The following CAVIN1 variants were observed in gnomAD, a reference collection of about 807,000 sequenced individuals.
CAVIN1 encodes the protein caveolae associated protein 1, also known as caveolae-associated protein 1.
Under a neutral mutation model 24.0 loss-of-function variants are expected in CAVIN1, and 16 were observed. The observed-to-expected ratio is 0.67, with a 90% confidence interval of 0.45 to 1.01. The LOEUF is 1.01. Among genes scored for constraint, CAVIN1 ranks in the 50% least tolerant of loss-of-function variants. The pLI is 0.00. For missense variants in CAVIN1, 510 were observed against 551.7 expected, an observed-to-expected ratio of 0.92 and a Z score of 0.76; for synonymous variants, 256 against 256.4, an observed-to-expected ratio of 1.00 and a Z score of 0.02.
Position 42,405,045 on chromosome 17 carries a change from T to C in CAVIN1, c.815A>G (p.Lys272Arg), listed in dbSNP as rs776355874. 5.0e-6 allele frequency: 8 copies of C among 1,614,138 alleles called. No homozygotes were observed. The South Asian group carries it at 8.8e-5, about 18-fold the overall frequency. ...NLEKTRHTLE[K>R]RMNKLGTRLV... ...GCGCGTGCCCAGCTTGTTCATGCGC[T>C]TCTCCAGGGTGTGCCGCGTCTTCTC... The change falls in exon 2 of 2, where the codon AAG becomes AGG. Residue 272 changes from lysine (K) to arginine (R), a missense_variant. By Grantham distance (26) the Lys-to-Arg change is conservative (BLOSUM62 2). Transcript: ENST00000357037.
rs762110643 is a variant in CAVIN1, at chr17:42,422,722, C to A, written c.376G>T (p.Gly126Cys). The change falls in exon 1 of 2, where the codon GGC becomes TGC. Residue 126 changes from glycine to cysteine, a missense_variant. Coordinates refer to ENST00000357037, the MANE Select transcript of CAVIN1 (RefSeq NM_012232.6). ...KVSVNVKTVR[G>C]SLERQAGQIK... ...TGCCCCGCCTGGCGCTCCAGGCTGC[C>A]GCGCACGGTCTTCACGTTGACGCTG... 4 of 1,609,944 alleles carry A rather than the reference C, an allele frequency of 2.5e-6. No individual in the cohort carries two copies. The highest frequency in any genetic ancestry group is 2.2e-5 in the South Asian group (2 of 90,400).
At chr17:42,409,282 G>A (rs1177740710) in intron 1 of CAVIN1, among the ~76,000 whole-genome samples, 2 of 151,770 alleles carry the variant, frequency 1.3e-5, no homozygotes, top group Non-Finnish European at 2.9e-5. Context: ...TGTAGTTTTT[G>A]TACAGGCAGA....
At chr17:42,408,721 C>T (rs2085459691) in intron 1 of CAVIN1, among the ~76,000 whole-genome samples, 1 of 151,012 alleles carries the variant, frequency 6.6e-6, no homozygotes, top group Non-Finnish European at 1.5e-5. Flanking sequence ...GAACTCCCAA[C>T]CTCATGTGAT....
At chr17:42,413,566 GAAAAAAAAA>G (rs60085741) in intron 1 of CAVIN1, among the ~76,000 whole-genome samples, 907 of 56,890 alleles carry the variant, frequency 0.016, 9 homozygotes, top group East Asian at 0.085. Flanking sequence ...CTCAAAAAGG[GAAAAAAAAA>G]AAAAAAAAAA....
chr17:42,404,810 C>CTCG lies in CAVIN1; in HGVS notation c.1047_1049dup (p.Asp349dup), dbSNP rs767832643. ...CGGCCTCCCCGCGCTCCGCGCCGCC[C>CTCG]TCGTCGTCGTCGGCGCCCACCTCCA... On this transcript the variant is annotated inframe_insertion, in exon 2 of 2. Coordinates refer to ENST00000357037, the MANE Select transcript of CAVIN1 (RefSeq NM_012232.6). 3 of 1,611,712 alleles carry CTCG rather than the reference C, an allele frequency of 1.9e-6. No individual in the cohort carries two copies. Among genetic ancestry groups the CTCG allele is most frequent in the Non-Finnish European group, 2.5e-6 (3 of 1,178,874 alleles).
In CAVIN1 at chr17:42,404,924, C is replaced by T. The variant is rs1364630157; in HGVS notation, c.936G>A (p.Lys312=). 19 of 1,613,984 alleles carry T rather than the reference C, an allele frequency of 1.2e-5. No homozygotes were observed. The highest frequency in any genetic ancestry group is 1.7e-5 in the Admixed American group (1 of 59,998). Residue 312 remains lysine (K), a synonymous_variant, in exon 2 of 2, where the codon AAG becomes AAA. Coordinates refer to ENST00000357037, the MANE Select transcript of CAVIN1 (RefSeq NM_012232.6). ...AGGGTGGCACCTTGTAGACCGCGGT[C>T]TTGGAGCGCGCGTACACCACGTGGT... ...TPDHVVYARS[K]TAVYKVPPFT...
chr17:42,418,253 C>G lies in CAVIN1; in HGVS notation c.471+4374G>C, dbSNP rs150382158. On this transcript the variant is annotated intron_variant, in intron 1 of 1. Coordinates refer to ENST00000357037, the MANE Select transcript of CAVIN1 (RefSeq NM_012232.6). ...CCTTTTTTTTTTTTTTTTTTTGAGA[C>G]CAAGTTTCGCTCTTGTTGCCCAGGC... Among the ~76,000 whole-genome samples the G allele has an allele frequency of 3.3e-3, 432 of 131,116 alleles. 14 individuals carry two copies. The South Asian group carries it at 0.055, about 17-fold the overall frequency. The allele number at this position is 131,116 out of a possible 152,430, so 86.0% of individuals were successfully genotyped here.
Position 42,417,477 on chromosome 17 carries a change from T to TTGTAG in CAVIN1, c.471+5145_471+5149dup, listed in dbSNP as rs1343299720. Among the ~76,000 whole-genome samples the TTGTAG allele has an allele frequency of 3.5e-4, 36 of 103,872 alleles. 1 individual carries two copies. The South Asian group carries it at 0.011, about 31-fold the overall frequency. The allele number at this position is 103,872 out of a possible 152,430, so 68.1% of individuals were successfully genotyped here. A position where few individuals can be genotyped will look rare whatever the true frequency, so the allele number is the denominator to read the frequency against. On this transcript the variant is annotated intron_variant, in intron 1 of 1. Coordinates refer to ENST00000357037, the MANE Select transcript of CAVIN1 (RefSeq NM_012232.6). ...TTGTCTCCAAAAAAAAAAAAAAAGA[T>TTGTAG]TGTAGTGGAGATAAAAAATTCCTAT... is the stretch of plus-strand genomic sequence containing the variant.
intron 1 of CAVIN1, among the ~76,000 whole-genome samples, chr17:42,418,351 C>T (rs887471351): frequency 5.3e-5 from 8 of 151,842 alleles, no homozygotes; most frequent in African/African-American, 1.7e-4. Flanking sequence ...CCTGCCTCAG[C>T]CTCCTGAGTA....
chr17:42,406,368 G>GA (rs1442985119), intron 1 of CAVIN1, among the ~76,000 whole-genome samples: 1 of 146,520 alleles, frequency 6.8e-6, no homozygotes, highest in Non-Finnish European at 1.5e-5. Flanking sequence ...CTAGACTCAA[G>GA]CTATTTCTTT....
chr17:42,416,325 G>A (rs1312942809), intron 1 of CAVIN1, among the ~76,000 whole-genome samples: 4 of 151,858 alleles, frequency 2.6e-5, no homozygotes, highest in Middle Eastern at 3.2e-3. Context: ...CTGAGATCAC[G>A]CTACTGCACT....
chr17:42,412,129 T>G, intron 1 of CAVIN1: 1 of 985,162 alleles, frequency 1.0e-6, no homozygotes, highest in Non-Finnish European at 1.2e-6. Flanking sequence ...AGGCGTCTGG[T>G]CAAAAGGTGG....
At position 42,404,837 on chromosome 17, in the gene CAVIN1, C is replaced by T. The variant is rs762107498; in HGVS notation, c.1023G>A (p.Met341Ile). ...GQVEVLKATE[M>I]VEVGADDDEG... The stretch of plus-strand genomic sequence containing the variant: ...CGTCGTCGTCGGCGCCCACCTCCAC[C>T]ATCTCGGTGGCCTTGAGCACTTCCA... Residue 341 changes from methionine (M) to isoleucine (I), a missense_variant, in exon 2 of 2, where the codon ATG becomes ATA. Met to Ile is a conservative substitution (Grantham distance 10, BLOSUM62 1). Coordinates refer to ENST00000357037, the MANE Select transcript of CAVIN1 (RefSeq NM_012232.6). 6.2e-7 allele frequency: 1 copy of T among 1,613,662 alleles called. No individual in the cohort carries two copies. Among genetic ancestry groups the T allele is most frequent in the South Asian group, 1.1e-5 (1 of 91,066 alleles).
intron 1 of CAVIN1, chr17:42,411,927 T>C (rs1299497957): frequency 4.1e-6 from 4 of 985,200 alleles, no homozygotes; most frequent in African/African-American, 1.7e-5. Context: ...CCGGCACCCG[T>C]CCACAGTGGG....
chr17:42,410,258 G>C (rs1448542099), intron 1 of CAVIN1, among the ~76,000 whole-genome samples: 1 of 152,150 alleles, frequency 6.6e-6, no homozygotes, highest in African/African-American at 2.4e-5. Flanking sequence ...GGCTGGAGGA[G>C]ACTGGAGAGG....
In CAVIN1 at chr17:42,417,251, C is replaced by T. The variant is rs188935518; in HGVS notation, c.471+5376G>A. ...GGTGGATTGCTTGAGGCCAGGAGTTCGAGACCAGCCTGGCCAACATGGTGA... is the reference window on the plus strand; with the variant it reads ...GGTGGATTGCTTGAGGCCAGGAGTTTGAGACCAGCCTGGCCAACATGGTGA... On this transcript the variant is annotated intron_variant, in intron 1 of 1. Coordinates refer to ENST00000357037, the MANE Select transcript of CAVIN1 (RefSeq NM_012232.6). Among the ~76,000 whole-genome samples the T allele has an allele frequency of 6.5e-4, 99 of 152,132 alleles. No individual in the cohort carries two copies. In the Middle Eastern group the frequency reaches 0.01, roughly 16 times the overall value.
At chr17:42,416,197 G>A (rs567010562) in intron 1 of CAVIN1, among the ~76,000 whole-genome samples, 5 of 152,064 alleles carry the variant, frequency 3.3e-5, no homozygotes, top group Non-Finnish European at 5.9e-5. Flanking sequence ...GTGAAACCCC[G>A]TCTCTGCTAA....
intron 1 of CAVIN1, among the ~76,000 whole-genome samples, chr17:42,406,105 T>C (rs369990243): frequency 3.9e-5 from 6 of 152,296 alleles, no homozygotes; most frequent in African/African-American, 1.4e-4. Flanking sequence ...GCACTTGGGC[T>C]AAAATCTCTG....
chr17:42,415,519 G>A (rs1245470417), intron 1 of CAVIN1, among the ~76,000 whole-genome samples: 5 of 151,666 alleles, frequency 3.3e-5, no homozygotes, highest in Non-Finnish European at 5.9e-5. Flanking sequence ...TGGAGACCCT[G>A]GGCAATGTGG....
Sources: gnomAD v4.1 joint callset for allele counts (sites outside exome capture counted in the v4.1 genomes callset) on GRCh38, gnomAD v4.1.1 for gene constraint, MANE v1.5 for transcripts, NCBI Gene and HGNC (gene_info 2026-07-23, HGNC 2026-07-21) for gene names.